Variants in NPAS3 observed in about 807,000 individuals in gnomAD.
NPAS3 encodes the protein neuronal PAS domain-containing protein 3.
In NPAS3, 14 loss-of-function variants were observed where a neutral mutation model predicts 73.1. The observed-to-expected ratio is 0.19, with a 90% CI of 0.13 to 0.30. The LOEUF is 0.30. NPAS3 is among the 10% of genes least tolerant of loss of function. The pLI is 1.00. For synonymous variants in NPAS3, 620 were observed against 541.5 expected (o/e 1.14, Z -2.01); for missense variants, 1,096 against 1,250.0 (o/e 0.88, Z 1.86).
At chr14:33,663,964 C>T (rs977917418) in intron 5 of NPAS3, among the ~76,000 whole-genome samples, 9 of 149,046 alleles carry the variant, frequency 6.0e-5, no homozygotes, top group South Asian at 2.1e-4. Context: ...TGGTCTATTT[C>T]GTTAATCTTT....
chr14:33,091,369 C>T (rs561035115), intron 2 of NPAS3, among the ~76,000 whole-genome samples: 2 of 152,302 alleles, frequency 1.3e-5, no homozygotes, highest in African/African-American at 2.4e-5. Context: ...CACCTCTACA[C>T]AAATAAACTA....
At chr14:33,265,014 A>G (rs2049118381) in intron 3 of NPAS3, among the ~76,000 whole-genome samples, 1 of 152,214 alleles carries the variant, frequency 6.6e-6, no homozygotes, top group Non-Finnish European at 1.5e-5. Flanking sequence ...AAAGGCAGGC[A>G]CAGAGTGAGT....
chr14:33,387,805 T>G (rs1297844251), intron 4 of NPAS3, among the ~76,000 whole-genome samples: 1 of 152,224 alleles, frequency 6.6e-6, no homozygotes, highest in African/African-American at 2.4e-5. Context: ...TATGTAATTA[T>G]TTACTGAGTC....
chr14:33,293,980 T>C (rs1190747406), intron 3 of NPAS3, among the ~76,000 whole-genome samples: 2 of 152,124 alleles, frequency 1.3e-5, no homozygotes, highest in East Asian at 3.9e-4. Flanking sequence ...GCTGTGCAGG[T>C]GCTAAGTAAG....
At chr14:33,052,629 T>C (rs1358047877) in intron 1 of NPAS3, among the ~76,000 whole-genome samples, 1 of 152,192 alleles carries the variant, frequency 6.6e-6, no homozygotes, top group Admixed American at 6.5e-5. Flanking sequence ...GCTTAGATAA[T>C]GTATTTCATC....
intron 4 of NPAS3, among the ~76,000 whole-genome samples, chr14:33,391,727 G>A (rs2047014901): frequency 6.6e-6 from 1 of 152,096 alleles, no homozygotes; most frequent in Non-Finnish European, 1.5e-5. Flanking sequence ...ACAAAGTGAG[G>A]CCAATGGTAA....
chr14:33,028,548 AT>A (rs1566482148), intron 1 of NPAS3, among the ~76,000 whole-genome samples: 3 of 152,288 alleles, frequency 2.0e-5, no homozygotes, highest in African/African-American at 7.2e-5. Context: ...CAATTTTGTC[AT>A]TTTGGGATAT....
intron 3 of NPAS3, among the ~76,000 whole-genome samples, chr14:33,307,219 T>C (rs944974519): frequency 6.6e-6 from 1 of 152,218 alleles, no homozygotes; most frequent in African/African-American, 2.4e-5. Flanking sequence ...TTTTGCGTTG[T>C]CTAATGAATA....
chr14:33,187,164 A>G (rs563504261), intron 2 of NPAS3, among the ~76,000 whole-genome samples: 82 of 152,308 alleles, frequency 5.4e-4, no homozygotes, highest in Middle Eastern at 3.4e-3. Context: ...AATAAAGAGC[A>G]TCCTTTCTCA....
chr14:33,196,357 G>C (rs912712130), intron 2 of NPAS3, among the ~76,000 whole-genome samples: 2 of 152,142 alleles, frequency 1.3e-5, no homozygotes, highest in African/African-American at 4.8e-5. Context: ...GACCTGTCTC[G>C]GATAGTTCAG....
intron 1 of NPAS3, among the ~76,000 whole-genome samples, chr14:33,048,012 TTGC>T (rs1280794150): frequency 6.6e-6 from 1 of 152,164 alleles, no homozygotes; most frequent in African/African-American, 2.4e-5. Flanking sequence ...AAAGCAGAAT[TTGC>T]TGGTAGGAAT....
rs529056400 is a variant in NPAS3 at position 33,472,569 on chromosome 14, G to A, written c.469-87552G>A. On this transcript the variant is annotated intron_variant, in intron 4 of 11. Coordinates refer to ENST00000356141, the Ensembl canonical transcript of NPAS3. ...GGCTGGAAGTTGGAAGACTAGGAAG[G>A]TATTACAATCTTCTAGGCTAGAGAC... is the stretch of plus-strand genomic sequence containing the variant. Among the ~76,000 whole-genome samples the A allele has an allele frequency of 1.3e-4, 19 of 143,470 alleles. No individual in the cohort carries two copies. The South Asian group carries it at 3.5e-3, about 27-fold the overall frequency. 94.1% of individuals were successfully genotyped at this position (143,470 alleles called of 152,430 possible).
rs149285537 is a variant in NPAS3, at chr14:33,357,149, G to C, written c.386-10037G>C. ...TCCTGCATAGTTACCGTTGAAAATT[G>C]TGTGGGCTTTTGTTTATGTGAAATT... On this transcript the variant is annotated intron_variant, in intron 3 of 11. Coordinates refer to ENST00000356141, the Ensembl canonical transcript of NPAS3. Among the ~76,000 whole-genome samples, 3 of 152,210 alleles carry C rather than the reference G, an allele frequency of 2.0e-5. No individual in the cohort carries two copies. The East Asian group carries it at 5.8e-4, about 29-fold the overall frequency.
At chr14:32,998,359 A>G (rs976549781) in intron 1 of NPAS3, among the ~76,000 whole-genome samples, 3 of 152,222 alleles carry the variant, frequency 2.0e-5, no homozygotes, top group Non-Finnish European at 2.9e-5. Flanking sequence ...ATTGGTGGTT[A>G]CCAGGTGATG....
At chr14:33,625,466 C>T (rs2058193971) in intron 5 of NPAS3, among the ~76,000 whole-genome samples, 1 of 152,132 alleles carries the variant, frequency 6.6e-6, no homozygotes, top group Non-Finnish European at 1.5e-5. Context: ...CAGGAGAGTT[C>T]AGGCTGATTA....
intron 6 of NPAS3, among the ~76,000 whole-genome samples, chr14:33,679,992 G>A (rs544989874): frequency 2.0e-5 from 3 of 152,274 alleles, no homozygotes; most frequent in African/African-American, 4.8e-5. Flanking sequence ...TATAAAGTCC[G>A]AGAGTGCCTA....
chr14:32,958,079 C>T (rs2036756134), intron 1 of NPAS3, among the ~76,000 whole-genome samples: 1 of 152,210 alleles, frequency 6.6e-6, no homozygotes, highest in Non-Finnish European at 1.5e-5. Context: ...AAATATACTT[C>T]ATCAGTTCCC....
At chr14:33,367,195 C>T in exon 4 of NPAS3, 1 of 859,924 alleles carries the variant, frequency 1.2e-6, no homozygotes, top group South Asian at 1.4e-5. Flanking sequence ...GTTATAGGTG[C>T]ACAGCGAAGG....
chr14:33,616,857 C>T lies in NPAS3; in HGVS notation c.558+56647C>T, dbSNP rs79692862. ...TCTGGCTGACTTGTCCTCTGTCAGC[C>T]GAGTTTGTCCTGTGCAAATCTTCTG... On this transcript the variant is annotated intron_variant, in intron 5 of 11. Coordinates refer to ENST00000356141, the Ensembl canonical transcript of NPAS3. Among the ~76,000 whole-genome samples, 73 of 152,172 alleles carry T rather than the reference C, an allele frequency of 4.8e-4. No homozygotes were observed. In the East Asian group the frequency reaches 0.011, roughly 24 times the overall value.
Sources: allele counts gnomAD v4.1 joint callset (sites outside exome capture counted in the v4.1 genomes callset), GRCh38; gene constraint gnomAD v4.1.1; transcripts MANE v1.5; gene names NCBI Gene and HGNC (gene_info 2026-07-23, HGNC 2026-07-21).